Variants in DCC observed in about 807,000 individuals in gnomAD.
DCC encodes DCC netrin 1 receptor.
A neutral mutation model predicts 172.5 loss-of-function variants in DCC; 58 were observed. The ratio of observed to expected loss-of-function variants is 0.34; its 90% CI spans 0.27 to 0.42. DCC has a LOEUF of 0.42. Ranked by LOEUF, DCC falls within the 10% of genes least tolerant of loss-of-function variation. The pLI is 1.00. For missense variants in DCC, 1,740 were observed against 1,791.0 expected (o/e 0.97, Z 0.51); for synonymous variants, 709 against 644.5 (o/e 1.10, Z -1.52).
chr18:52,911,372 T>C (rs1041197641), intron 3 of DCC, among the ~76,000 whole-genome samples: 1 of 152,022 alleles, frequency 6.6e-6, no homozygotes, highest in African/African-American at 2.4e-5. Flanking sequence ...GAACTGTCTG[T>C]ACAATGATTC....
chr18:52,400,644 T>A (rs935822606), intron 1 of DCC, among the ~76,000 whole-genome samples: 5 of 151,982 alleles, frequency 3.3e-5, no homozygotes, highest in Non-Finnish European at 7.4e-5. Context: ...CACATGAACA[T>A]GTATGTTTAT....
At chr18:52,634,169 G>A (rs140817918) in intron 1 of DCC, among the ~76,000 whole-genome samples, 2 of 152,350 alleles carry the variant, frequency 1.3e-5, no homozygotes, top group African/African-American at 2.4e-5. Flanking sequence ...GTGAACTGAT[G>A]TGTCTGCCAA....
At chr18:52,424,419 T>A (rs1987354437) in intron 1 of DCC, among the ~76,000 whole-genome samples, 1 of 152,104 alleles carries the variant, frequency 6.6e-6, no homozygotes, top group African/African-American at 2.4e-5. Flanking sequence ...ACCATATCCC[T>A]TCTTCCCTAA....
intron 1 of DCC, among the ~76,000 whole-genome samples, chr18:52,658,513 A>T (rs557516996): frequency 7.2e-5 from 11 of 152,232 alleles, no homozygotes; most frequent in Admixed American, 2.6e-4. Flanking sequence ...AATATTTTCA[A>T]TTTGGGTCAG....
At chr18:52,966,554 G>A (rs542275883) in intron 5 of DCC, among the ~76,000 whole-genome samples, 14 of 152,200 alleles carry the variant, frequency 9.2e-5, no homozygotes, top group Admixed American at 7.2e-4. Flanking sequence ...TTGCCCAATC[G>A]GAGGCACCAA....
chr18:53,307,899 A>G (rs1400736360), intron 13 of DCC, among the ~76,000 whole-genome samples: 188 of 2,570 alleles, frequency 0.073, 6 homozygotes, highest in Middle Eastern at 0.25. Flanking sequence ...GTGTGTATGT[A>G]TATATATATA....
At chr18:53,367,354 T>A (rs2058018072) in intron 15 of DCC, among the ~76,000 whole-genome samples, 1 of 152,140 alleles carries the variant, frequency 6.6e-6, no homozygotes, top group Non-Finnish European at 1.5e-5. Flanking sequence ...ATAAGAGTGC[T>A]CTCCTTAGGA....
intron 1 of DCC, among the ~76,000 whole-genome samples, chr18:52,606,314 A>T (rs992490712): frequency 5.9e-5 from 9 of 152,248 alleles, no homozygotes; most frequent in Non-Finnish European, 8.8e-5. Flanking sequence ...AGTCTATTAA[A>T]AAAAACAACA....
At chr18:53,181,250 T>A (rs2144486770) in intron 9 of DCC, among the ~76,000 whole-genome samples, 1 of 152,292 alleles carries the variant, frequency 6.6e-6, no homozygotes, top group African/African-American at 2.4e-5. Flanking sequence ...TACTGTACTT[T>A]TCAGAGCTGA....
chr18:53,006,332 C>T (rs1057349550), intron 5 of DCC, among the ~76,000 whole-genome samples: 2 of 152,148 alleles, frequency 1.3e-5, no homozygotes, highest in African/African-American at 4.8e-5. Context: ...TATTCTTAAG[C>T]ATGGCAATGC....
intron 12 of DCC, among the ~76,000 whole-genome samples, chr18:53,248,839 T>C (rs1393006631): frequency 6.6e-6 from 1 of 152,072 alleles, no homozygotes; most frequent in Admixed American, 6.6e-5. Context: ...TTCTCGTCAG[T>C]ACATAAACAC....
chr18:52,795,602 T>C (rs2037859773), intron 2 of DCC, among the ~76,000 whole-genome samples: 1 of 151,972 alleles, frequency 6.6e-6, no homozygotes, highest in African/African-American at 2.4e-5. Flanking sequence ...AGTCTGTTTT[T>C]AGTTCTCTAA....
chr18:52,508,509 C>T (rs1425253948), intron 1 of DCC, among the ~76,000 whole-genome samples: 1 of 152,030 alleles, frequency 6.6e-6, no homozygotes, highest in Non-Finnish European at 1.5e-5. Context: ...CACTGAGCCA[C>T]ATAAAAGATA....
At chr18:53,471,001 C>G (rs1194396682) in intron 25 of DCC, among the ~76,000 whole-genome samples, 1 of 152,122 alleles carries the variant, frequency 6.6e-6, no homozygotes, top group African/African-American at 2.4e-5. Flanking sequence ...CAGTCTTTTA[C>G]CAAATTATTG....
chr18:52,626,040 T>C (rs914328259), intron 1 of DCC, among the ~76,000 whole-genome samples: 3 of 152,168 alleles, frequency 2.0e-5, no homozygotes, highest in Non-Finnish European at 4.4e-5. Flanking sequence ...GTACATACTC[T>C]CTCTAAATGA....
chr18:53,490,346 T>C (rs1317139806), intron 26 of DCC, among the ~76,000 whole-genome samples: 3 of 152,234 alleles, frequency 2.0e-5, no homozygotes, highest in African/African-American at 4.8e-5. Context: ...CTTAGAGTTA[T>C]TGGCTTGCTA....
intron 24 of DCC, among the ~76,000 whole-genome samples, chr18:53,463,088 A>T (rs994932151): frequency 2.6e-5 from 4 of 152,196 alleles, no homozygotes; most frequent in African/African-American, 7.2e-5. Context: ...TTTACAAGTG[A>T]TTCTTCTTCT....
chr18:53,027,794 C>G, intron 5 of DCC, among the ~76,000 whole-genome samples: 1 of 152,066 alleles, frequency 6.6e-6, no homozygotes, highest in South Asian at 2.1e-4. Flanking sequence ...CAATAACTTG[C>G]GTATAGTTTT....
At position 52,731,376 on chromosome 18, in the gene DCC, A is replaced by G. The variant is rs2036639113; in HGVS notation, c.92-20678A>G. Reference sequence around the variant, plus strand: ...GTAGGCTTCAAAATGAAAGGAAAAAAATGCACAAAGAGAAAATGCTGTTGC... The same window carrying G: ...GTAGGCTTCAAAATGAAAGGAAAAAGATGCACAAAGAGAAAATGCTGTTGC... On this transcript the variant is annotated intron_variant, in intron 1 of 28. Transcript: ENST00000442544. Among the ~76,000 whole-genome samples, 3 of 152,226 alleles carry G rather than the reference A, an allele frequency of 2.0e-5. No individual in the cohort carries two copies. The South Asian group carries it at 6.2e-4, about 31-fold the overall frequency.
Sources: allele counts gnomAD v4.1 joint callset (sites outside exome capture counted in the v4.1 genomes callset), GRCh38; gene constraint gnomAD v4.1.1; transcripts MANE v1.5; gene names NCBI Gene and HGNC (gene_info 2026-07-23, HGNC 2026-07-21).